The following TXNRD1 variants were observed in gnomAD, a reference collection of about 807,000 sequenced individuals.
TXNRD1 encodes thioredoxin reductase 1, also known as thioredoxin reductase 1, cytoplasmic.
TXNRD1 carries 57 observed loss-of-function variants against 80.3 expected under a neutral mutation model. That is an observed-to-expected ratio of 0.71 (90% CI 0.57 to 0.89). TXNRD1 has a LOEUF of 0.89. TXNRD1 is among the 40% of genes least tolerant of loss of function. The probability of loss-of-function intolerance (pLI) is 0.00; values close to 1 mark genes in which losing one functional copy is unlikely to be tolerated. For synonymous variants in TXNRD1, 291 were observed against 285.2 expected (o/e 1.02, Z -0.20); for missense variants, 730 against 803.0 (o/e 0.91, Z 1.10).
chr12:104,315,008 G>A (rs1213971012), intron 6 of TXNRD1, among the ~76,000 whole-genome samples: 3 of 152,142 alleles, frequency 2.0e-5, no homozygotes, highest in East Asian at 3.9e-4. Context: ...CTCCCAAAGT[G>A]CTGGGATTAC....
At chr12:104,269,441 C>A (rs1329104434) in intron 3 of TXNRD1, among the ~76,000 whole-genome samples, 2 of 148,718 alleles carry the variant, frequency 1.3e-5, no homozygotes, top group South Asian at 2.1e-4. Context: ...ACTCTGCCAC[C>A]CAGGCTGTGC....
rs780767105 is a variant in TXNRD1, at chr12:104,315,886, C to T, written c.720C>T (p.Val240=). The part of the protein sequence containing the change: ...LQDSRNYGWK[V]EETVKHDWDR... ...ACTCTCGAAATTATGGATGGAAAGT[C>T]GAGGAGACAGGTATGAGAGGGAAAA... Residue 240 remains valine, a synonymous_variant, in exon 7 of 17, where the codon GTC becomes GTT. Transcript: ENST00000525566. The T allele has an allele frequency of 9.3e-6, 15 of 1,610,034 alleles. No individual in the cohort carries two copies. The highest frequency in any genetic ancestry group is 6.6e-5 in the South Asian group (6 of 90,740).
rs1460093059 is a variant in TXNRD1, at chr12:104,315,765, ATGT to A, written c.611-5_611-3del. 6.2e-6 allele frequency: 10 copies of A among 1,608,840 alleles called. No individual in the cohort carries two copies. In the African/African-American group the frequency reaches 6.7e-5, roughly 11 times the overall value. ...AAGCAGGTTATAAACTGATTTCTCAATGTTGTTGTAGGTCTCGGAGGAACATGT... is the reference window on the plus strand; with the variant it reads ...AAGCAGGTTATAAACTGATTTCTCAATGTTGTAGGTCTCGGAGGAACATGT... On this transcript the variant is annotated splice_polypyrimidine_tract_variant and intron_variant, in intron 6 of 16. Transcript: ENST00000525566.
chr12:104,219,349 G>C (rs2032294926), intron 1 of TXNRD1, among the ~76,000 whole-genome samples: 3 of 152,154 alleles, frequency 2.0e-5, no homozygotes, highest in Admixed American at 2.0e-4. Flanking sequence ...AAATTATGTG[G>C]TTAAGTTTCA....
rs35387402 is a variant in TXNRD1, at chr12:104,289,076, T to G, written c.414+36T>G. On this transcript the variant is annotated intron_variant, in intron 4 of 16. Coordinates refer to ENST00000525566, the MANE Select transcript of TXNRD1 (RefSeq NM_001093771.3). Reference sequence around the variant, plus strand: ...GTAACGTATCTTTTTAAACGGGGGATGAGCTCGTTGAGCTCAGCGTGGTCA... The same window carrying G: ...GTAACGTATCTTTTTAAACGGGGGAGGAGCTCGTTGAGCTCAGCGTGGTCA... 703 of 1,591,918 alleles carry G rather than the reference T, an allele frequency of 4.4e-4. 3 individuals carry two copies. The African/African-American group carries it at 7.9e-3, about 18-fold the overall frequency.
intron 1 of TXNRD1, among the ~76,000 whole-genome samples, chr12:104,246,359 C>A (rs1419760662): frequency 1.2e-4 from 18 of 149,876 alleles, no homozygotes; most frequent in Admixed American, 1.1e-3. Context: ...ACCTGGGAGG[C>A]GGAACTTGCA....
intron 3 of TXNRD1, among the ~76,000 whole-genome samples, chr12:104,269,800 A>C (rs899581922): frequency 1.3e-5 from 2 of 151,838 alleles, no homozygotes; most frequent in African/African-American, 4.8e-5. Context: ...CGATCTCCTG[A>C]CCTCGTGATC....
intron 1 of TXNRD1, among the ~76,000 whole-genome samples, chr12:104,220,073 C>T (rs961736253): frequency 1.3e-5 from 2 of 152,136 alleles, no homozygotes; most frequent in African/African-American, 2.4e-5. Flanking sequence ...TTTAGGCCAG[C>T]GTCAAATCAC....
chr12:104,319,453 T>C lies in TXNRD1; in HGVS notation c.874-17T>C, dbSNP rs200065022. 252 of 1,491,338 alleles carry C rather than the reference T, an allele frequency of 1.7e-4. 2 individuals carry two copies. Among genetic ancestry groups the C allele is most frequent in the Admixed American group, 4.0e-4 (20 of 49,586 alleles). 92.4% of individuals were successfully genotyped at this position (1,491,338 alleles called of 1,614,324 possible). On this transcript the variant is annotated splice_polypyrimidine_tract_variant and intron_variant, in intron 8 of 16. Coordinates refer to ENST00000525566, the MANE Select transcript of TXNRD1 (RefSeq NM_001093771.3). ...GAATGATTACTTAATAAGGTTTTCA[T>C]ATTGGTTCCTTTGTAGGCAACAAAT...
intron 15 of TXNRD1, among the ~76,000 whole-genome samples, chr12:104,338,805 C>G (rs1352575953): frequency 6.6e-6 from 1 of 151,968 alleles, no homozygotes; most frequent in Non-Finnish European, 1.5e-5. Flanking sequence ...CAAGCTCTGC[C>G]TCCTGGGTTC....
intron 9 of TXNRD1, among the ~76,000 whole-genome samples, chr12:104,320,634 A>C (rs969484529): frequency 6.6e-6 from 1 of 152,028 alleles, no homozygotes; most frequent in South Asian, 2.1e-4. Context: ...TTTATATTAT[A>C]AGATATTGAA....
intron 3 of TXNRD1, chr12:104,288,603 G>T: frequency 2.3e-6 from 1 of 439,548 alleles, no homozygotes. Flanking sequence ...AAGCTTTTCT[G>T]AATTCGGGAT....
Position 104,272,003 on chromosome 12 carries a change from C to A in TXNRD1, c.304+13924C>A, listed in dbSNP as rs188865303. ...CCAACATGGTGAATCCCTGTCTCTA[C>A]TAAAAATACAAAAATTAGCCAGGCA... On this transcript the variant is annotated intron_variant, in intron 3 of 16. Coordinates refer to ENST00000525566, the MANE Select transcript of TXNRD1 (RefSeq NM_001093771.3). Among the ~76,000 whole-genome samples, 319 of 152,296 alleles carry A rather than the reference C, an allele frequency of 2.1e-3. 2 individuals carry two copies. The highest frequency in any genetic ancestry group is 3.9e-3 in the Admixed American group (60 of 15,292).
intron 3 of TXNRD1, among the ~76,000 whole-genome samples, chr12:104,266,248 C>A (rs926716924): frequency 6.6e-6 from 1 of 152,108 alleles, no homozygotes; most frequent in Admixed American, 6.6e-5. Context: ...TAGGAAGAGC[C>A]CCGGTGCGGT....
chr12:104,308,106 C>A (rs1001838746), intron 4 of TXNRD1, among the ~76,000 whole-genome samples: 1 of 152,030 alleles, frequency 6.6e-6, no homozygotes, highest in Non-Finnish European at 1.5e-5. Context: ...CGCCATTCTC[C>A]TGCCTCAGCC....
At chr12:104,332,817 T>C (rs1284036665) in intron 14 of TXNRD1, among the ~76,000 whole-genome samples, 1 of 150,080 alleles carries the variant, frequency 6.7e-6, no homozygotes, top group Non-Finnish European at 1.5e-5. Context: ...TAGGAAAATA[T>C]CAAAAAGGAA....
intron 5 of TXNRD1, among the ~76,000 whole-genome samples, chr12:104,311,987 AAT>A (rs1399169689): frequency 4.5e-5 from 5 of 110,154 alleles, no homozygotes; most frequent in Non-Finnish European, 6.4e-5. Flanking sequence ...GTCTTTAAAA[AAT>A]ATATATATAT....
rs1252614090 is a variant in TXNRD1 at position 104,306,760 on chromosome 12, A to G, written c.415-4530A>G. ...TAGTGTCTAGTATCCTTTGATTTAT[A>G]GTAGCAGTCATGGAAGCACCATTTG... On this transcript the variant is annotated intron_variant, in intron 4 of 16. Transcript: ENST00000525566. Among the ~76,000 whole-genome samples the G allele has an allele frequency of 2.0e-4, 31 of 152,222 alleles. 1 individual carries two copies. The highest frequency in any genetic ancestry group is 2.0e-3 in the Admixed American group (31 of 15,282).
In TXNRD1 at chr12:104,327,796, A is replaced by G. The variant is rs755942225; in HGVS notation, c.1542+125A>G. 8.2e-6 allele frequency: 8 copies of G among 980,294 alleles called. No individual in the cohort carries two copies. The East Asian group carries it at 1.6e-4, about 19-fold the overall frequency. 60.7% of individuals were successfully genotyped at this position (980,294 alleles called of 1,614,324 possible). A position where few individuals can be genotyped will look rare whatever the true frequency, so the allele number is the denominator to read the frequency against. The stretch of plus-strand genomic sequence containing the variant: ...TTAGTTATTTTGGTGATGGCATCCT[A>G]GATGTCCTTTATTAGTTGTATTCCA... On this transcript the variant is annotated intron_variant, in intron 13 of 16. Transcript: ENST00000525566.
Sources: allele counts gnomAD v4.1 joint callset (sites outside exome capture counted in the v4.1 genomes callset), GRCh38; gene constraint gnomAD v4.1.1; transcripts MANE v1.5; gene names NCBI Gene and HGNC (gene_info 2026-07-23, HGNC 2026-07-21).